The following CSRNP3 variants were observed in gnomAD, a reference collection of about 807,000 sequenced individuals.
CSRNP3 encodes cysteine and serine rich nuclear protein 3.
A neutral mutation model predicts 48.0 loss-of-function variants in CSRNP3; 12 were observed. The ratio of observed to expected loss-of-function variants is 0.25; its 90% CI spans 0.16 to 0.41. CSRNP3 has a LOEUF of 0.41. Among genes scored for constraint, CSRNP3 ranks in the 10% least tolerant of loss-of-function variants. CSRNP3 has a pLI of 1.00. For missense variants in CSRNP3, 580 were observed against 724.4 expected, an observed-to-expected ratio of 0.80 and a Z score of 2.29; for synonymous variants, 263 against 269.7, an observed-to-expected ratio of 0.98 and a Z score of 0.24.
intron 4 of CSRNP3, among the ~76,000 whole-genome samples, chr2:165,623,437 C>T (rs528281604): frequency 2.0e-5 from 3 of 152,254 alleles, no homozygotes; most frequent in Admixed American, 1.3e-4. Flanking sequence ...TGAATTATCC[C>T]GAAACCATCC....
intron 4 of CSRNP3, among the ~76,000 whole-genome samples, chr2:165,647,948 T>C (rs1230511391): frequency 1.3e-5 from 2 of 152,152 alleles, no homozygotes; most frequent in Non-Finnish European, 2.9e-5. Context: ...GTAACCCCAT[T>C]GAAAGTTAAA....
At position 165,679,141 on chromosome 2, in the gene CSRNP3, G is replaced by A. The variant is rs747459369; in HGVS notation, c.1146G>A (p.Glu382=). The change falls in exon 7 of 7, where the codon GAG becomes GAA. Residue 382 remains glutamate (E), a synonymous_variant. Transcript: ENST00000651982. ...EEEEEEEEEE[E]EDDDDDKGDG... ...AGGAAGAAGAAGAGGAAGAGGAGGA[G>A]GAGGATGACGATGATGACAAAGGAG... The A allele has an allele frequency of 5.6e-6, 9 of 1,613,734 alleles. No homozygotes were observed. Among genetic ancestry groups the A allele is most frequent in the Admixed American group, 3.3e-5 (2 of 59,974 alleles).
At chr2:165,533,102 G>A (rs1684836926) in intron 3 of CSRNP3, among the ~76,000 whole-genome samples, 2 of 151,984 alleles carry the variant, frequency 1.3e-5, no homozygotes, top group African/African-American at 2.4e-5. Flanking sequence ...TTCAACAGGG[G>A]TTTGATCTCC....
intron 3 of CSRNP3, among the ~76,000 whole-genome samples, chr2:165,526,531 C>G (rs983395774): frequency 2.6e-5 from 4 of 152,104 alleles, no homozygotes; most frequent in East Asian, 1.9e-4. Flanking sequence ...AATTAGGAAT[C>G]AAAAACATTT....
intron 2 of CSRNP3, among the ~76,000 whole-genome samples, chr2:165,511,239 G>A (rs1246244190): frequency 1.3e-5 from 2 of 152,204 alleles, no homozygotes; most frequent in African/African-American, 4.8e-5. Flanking sequence ...TAGAATTGCA[G>A]CTGAGGAATG....
At chr2:165,495,857 T>G (rs1314077120) in intron 2 of CSRNP3, among the ~76,000 whole-genome samples, 1 of 152,018 alleles carries the variant, frequency 6.6e-6, no homozygotes, top group East Asian at 1.9e-4. Flanking sequence ...CTAGCATTAT[T>G]TTTCTGGGGT....
At chr2:165,583,552 A>G (rs1685580557) in intron 3 of CSRNP3, among the ~76,000 whole-genome samples, 3 of 152,200 alleles carry the variant, frequency 2.0e-5, no homozygotes, top group South Asian at 2.1e-4. Flanking sequence ...ATCTCTCTGC[A>G]ACTTGGTTTC....
At chr2:165,546,127 A>G (rs973743974) in intron 3 of CSRNP3, among the ~76,000 whole-genome samples, 15 of 152,200 alleles carry the variant, frequency 9.9e-5, no homozygotes, top group African/African-American at 3.1e-4. Context: ...AGGTCTGTCT[A>G]ACTCCATGCT....
chr2:165,473,171 G>A (rs1213864966), intron 1 of CSRNP3, among the ~76,000 whole-genome samples: 6 of 152,056 alleles, frequency 3.9e-5, no homozygotes, highest in Non-Finnish European at 8.8e-5. Context: ...TAAAAATACA[G>A]TTTGTTAGTC....
intron 3 of CSRNP3, among the ~76,000 whole-genome samples, chr2:165,558,239 T>C (rs575749699): frequency 1.3e-5 from 2 of 152,316 alleles, no homozygotes; most frequent in South Asian, 4.1e-4. Flanking sequence ...TCAATGTCCT[T>C]GGGTATACTC....
At chr2:165,555,969 T>G (rs574487022) in intron 3 of CSRNP3, among the ~76,000 whole-genome samples, 57 of 152,260 alleles carry the variant, frequency 3.7e-4, no homozygotes, top group African/African-American at 1.2e-3. Context: ...TCACAGTGTG[T>G]CTCTCAGGAG....
intron 3 of CSRNP3, among the ~76,000 whole-genome samples, chr2:165,559,228 T>C (rs940940557): frequency 1.3e-5 from 2 of 152,244 alleles, no homozygotes; most frequent in Non-Finnish European, 2.9e-5. Context: ...TTTGCCACTT[T>C]TGTTAATAAA....
chr2:165,490,468 C>G (rs1331022734), intron 1 of CSRNP3, among the ~76,000 whole-genome samples: 3 of 126,664 alleles, frequency 2.4e-5, no homozygotes, highest in Non-Finnish European at 4.9e-5. Context: ...CATATGGAAC[C>G]AAAAAAGAGC....
chr2:165,554,340 C>T (rs1685136546), intron 3 of CSRNP3, among the ~76,000 whole-genome samples: 1 of 152,160 alleles, frequency 6.6e-6, no homozygotes, highest in Non-Finnish European at 1.5e-5. Flanking sequence ...TATCTGTTCA[C>T]TGGAAAATTT....
At chr2:165,496,027 G>T (rs889570790) in intron 2 of CSRNP3, among the ~76,000 whole-genome samples, 4 of 151,904 alleles carry the variant, frequency 2.6e-5, no homozygotes, top group Non-Finnish European at 4.4e-5. Context: ...TTCATCCCAT[G>T]TAGTTCTGTG....
chr2:165,474,253 G>A (rs1326223530), intron 1 of CSRNP3, among the ~76,000 whole-genome samples: 12 of 151,554 alleles, frequency 7.9e-5, no homozygotes, highest in East Asian at 1.9e-4. Flanking sequence ...TTTAGAGATA[G>A]GGCTTTTCTA....
intron 3 of CSRNP3, among the ~76,000 whole-genome samples, chr2:165,552,838 G>A (rs1377590287): frequency 6.6e-6 from 1 of 152,034 alleles, no homozygotes; most frequent in East Asian, 1.9e-4. Context: ...GGGACTACAG[G>A]TGTGTGCCAC....
rs150459120 is a variant in CSRNP3, at chr2:165,603,926, T to A, written c.148+8713T>A. Among the ~76,000 whole-genome samples, 118 of 152,326 alleles carry A rather than the reference T, an allele frequency of 7.7e-4. No individual in the cohort carries two copies. In the East Asian group the frequency reaches 0.014, roughly 18 times the overall value. On this transcript the variant is annotated intron_variant, in intron 4 of 6. Transcript: ENST00000651982. Reference sequence around the variant, plus strand: ...CTCATCGTCTTGCACCCTTCATTCATATTTGTTATTACCCACATGTCTTTA... The same window carrying A: ...CTCATCGTCTTGCACCCTTCATTCAAATTTGTTATTACCCACATGTCTTTA...
chr2:165,491,958 A>C (rs1417280478), intron 1 of CSRNP3, among the ~76,000 whole-genome samples: 1 of 151,358 alleles, frequency 6.6e-6, no homozygotes, highest in African/African-American at 2.4e-5. Flanking sequence ...AATAAAAAAA[A>C]AAAAAAAAAC....
Sources: allele counts gnomAD v4.1 joint callset (sites outside exome capture counted in the v4.1 genomes callset), GRCh38; gene constraint gnomAD v4.1.1; transcripts MANE v1.5; gene names NCBI Gene and HGNC (gene_info 2026-07-23, HGNC 2026-07-21).